The following CPNE8 variants were observed in gnomAD, a reference collection of about 807,000 sequenced individuals.
CPNE8 encodes copine 8, also known as copine-8.
In CPNE8, 45 loss-of-function variants were observed where a neutral mutation model predicts 81.5. That is an observed-to-expected ratio of 0.55 (90% CI 0.44 to 0.71). CPNE8 has a LOEUF of 0.71. CPNE8 is among the 30% of genes least tolerant of loss of function. The probability of loss-of-function intolerance (pLI) is 0.00; values close to 1 mark genes in which losing one functional copy is unlikely to be tolerated. For missense variants in CPNE8, 594 were observed against 672.1 expected, an observed-to-expected ratio of 0.88 and a Z score of 1.28; for synonymous variants, 252 against 226.3, an observed-to-expected ratio of 1.11 and a Z score of -1.02.
At chr12:38,692,056 C>T (rs1939687985) in intron 15 of CPNE8, among the ~76,000 whole-genome samples, 1 of 152,102 alleles carries the variant, frequency 6.6e-6, no homozygotes, top group Non-Finnish European at 1.5e-5. Context: ...CTTTGGGAGG[C>T]TGAGGCAGGC....
intron 6 of CPNE8, among the ~76,000 whole-genome samples, chr12:38,793,955 C>G (rs74514796): frequency 0.023 from 3,565 of 152,194 alleles, 67 homozygotes; most frequent in Non-Finnish European, 0.037. Flanking sequence ...AATTCCAAGA[C>G]TTCTTAATAA....
At chr12:38,782,061 T>C (rs965923885) in intron 6 of CPNE8, among the ~76,000 whole-genome samples, 1 of 152,130 alleles carries the variant, frequency 6.6e-6, no homozygotes, top group Non-Finnish European at 1.5e-5. Context: ...TAGCTAATAG[T>C]AATATATGTA....
chr12:38,782,723 C>T (rs567919631), intron 6 of CPNE8, among the ~76,000 whole-genome samples: 102 of 151,938 alleles, frequency 6.7e-4, no homozygotes, highest in African/African-American at 2.2e-3. Context: ...CTTTGTCACC[C>T]AGTTTGGAGT....
At chr12:38,656,554 A>G (rs1204618206) in intron 19 of CPNE8, among the ~76,000 whole-genome samples, 1 of 152,056 alleles carries the variant, frequency 6.6e-6, no homozygotes, top group African/African-American at 2.4e-5. Context: ...ATTCTCAGAA[A>G]CTTTGGAATT....
chr12:38,872,480 C>T (rs569187491), intron 3 of CPNE8, among the ~76,000 whole-genome samples: 5 of 152,258 alleles, frequency 3.3e-5, no homozygotes, highest in East Asian at 3.9e-4. Context: ...AATGATCATC[C>T]GCCCATTTGA....
At chr12:38,663,820 G>A (rs1197828615) in intron 19 of CPNE8, among the ~76,000 whole-genome samples, 3 of 152,034 alleles carry the variant, frequency 2.0e-5, no homozygotes. Flanking sequence ...TGTCACTTGC[G>A]GCAGCATGGA....
chr12:38,906,737 G>A, upstream of CPNE8: 1 of 416,264 alleles, frequency 2.4e-6, no homozygotes, highest in Non-Finnish European at 3.2e-6. Context: ...TGTTCCCCGC[G>A]CCTTCCCTCC....
chr12:38,659,118 A>T (rs1366449534), intron 19 of CPNE8, among the ~76,000 whole-genome samples: 7 of 152,170 alleles, frequency 4.6e-5, no homozygotes, highest in Non-Finnish European at 7.3e-5. Flanking sequence ...CTGGATAGTC[A>T]AGACCCATCA....
chr12:38,779,058 C>A (rs894798002), intron 6 of CPNE8, among the ~76,000 whole-genome samples: 1 of 152,132 alleles, frequency 6.6e-6, no homozygotes, highest in Non-Finnish European at 1.5e-5. Flanking sequence ...TTCAGCTGTA[C>A]CTTTCTCTTC....
intron 18 of CPNE8, among the ~76,000 whole-genome samples, chr12:38,673,277 A>G (rs1375246516): frequency 6.6e-6 from 1 of 152,070 alleles, no homozygotes; most frequent in African/African-American, 2.4e-5. Flanking sequence ...TCTTTCCTTT[A>G]TAAATTACCC....
intron 6 of CPNE8, among the ~76,000 whole-genome samples, chr12:38,788,272 G>C (rs1942242802): frequency 6.6e-6 from 1 of 151,808 alleles, no homozygotes. Flanking sequence ...TCATGATCAA[G>C]TAAGATTTAT....
At chr12:38,813,341 A>G (rs1389075859) in intron 6 of CPNE8, among the ~76,000 whole-genome samples, 3 of 152,208 alleles carry the variant, frequency 2.0e-5, no homozygotes, top group African/African-American at 7.2e-5. Context: ...TGGACAGAAG[A>G]GTCCCAGAAA....
intron 13 of CPNE8, among the ~76,000 whole-genome samples, chr12:38,715,633 G>C (rs1207152552): frequency 1.3e-5 from 2 of 151,888 alleles, no homozygotes; most frequent in African/African-American, 4.8e-5. Context: ...AGCATGCAAA[G>C]GACTTACCTC....
chr12:38,679,672 CTTG>C (rs779526048), intron 16 of CPNE8: 4 of 985,042 alleles, frequency 4.1e-6, no homozygotes, highest in Non-Finnish European at 4.8e-6. Flanking sequence ...TTCTTTGGCA[CTTG>C]TTCTACACGT....
chr12:38,735,543 G>A (rs1940934042), intron 10 of CPNE8, among the ~76,000 whole-genome samples: 2 of 151,970 alleles, frequency 1.3e-5, no homozygotes, highest in Admixed American at 1.3e-4. Context: ...TGCTTTTGTT[G>A]TAGGCATAGT....
chr12:38,807,502 A>T (rs983181343), intron 6 of CPNE8, among the ~76,000 whole-genome samples: 35 of 151,100 alleles, frequency 2.3e-4, no homozygotes, highest in Non-Finnish European at 4.3e-4. Flanking sequence ...GCAATGGGGA[A>T]AGGATTCCCT....
At position 38,677,632 on chromosome 12, in the gene CPNE8, TAAC is replaced by T. The variant is rs1420501484; in HGVS notation, c.1272-81_1272-79del. ...GTTGGTAAATACAATTTGGAATAGT[TAAC>T]AAACATTTTAATCTCAATAAAATAT... On this transcript the variant is annotated intron_variant, in intron 16 of 19. Transcript: ENST00000331366. The T allele has an allele frequency of 7.7e-6, 6 of 782,716 alleles. No homozygotes were observed. In the Admixed American group the frequency reaches 1.2e-4, roughly 16 times the overall value. 48.5% of individuals were successfully genotyped at this position (782,716 alleles called of 1,614,324 possible).
At position 38,762,916 on chromosome 12, in the gene CPNE8, C is replaced by T. The variant is rs552344048; in HGVS notation, c.576-700G>A. Among the ~76,000 whole-genome samples the T allele has an allele frequency of 2.0e-5, 3 of 152,144 alleles. No individual in the cohort carries two copies. The South Asian group carries it at 6.2e-4, about 32-fold the overall frequency. On this transcript the variant is annotated intron_variant, in intron 8 of 19. Coordinates refer to ENST00000331366, the MANE Select transcript of CPNE8 (RefSeq NM_153634.3). ...CTCTGTCGCCCAGGCTGGAGTGCAG[C>T]GGCGTGATCTTGGCTCACTGCAACC... is the stretch of plus-strand genomic sequence containing the variant.
chr12:38,887,207 C>T (rs1309291828), intron 1 of CPNE8, among the ~76,000 whole-genome samples: 1 of 152,128 alleles, frequency 6.6e-6, no homozygotes, highest in African/African-American at 2.4e-5. Flanking sequence ...AGTGAAGGCT[C>T]CATGGAGGCA....
Sources: allele counts gnomAD v4.1 joint callset (sites outside exome capture counted in the v4.1 genomes callset), GRCh38; gene constraint gnomAD v4.1.1; transcripts MANE v1.5; gene names NCBI Gene and HGNC (gene_info 2026-07-23, HGNC 2026-07-21).